TMEM267: variants seen among roughly 807,000 people sequenced by gnomAD.
The protein encoded by TMEM267 is transmembrane protein C5orf28.
Under a neutral mutation model 19.3 loss-of-function variants are expected in TMEM267, and 20 were observed. The observed-to-expected ratio is 1.04, with a 90% CI of 0.73 to 1.51. The LOEUF is 1.51. Among genes scored for constraint, TMEM267 ranks in the 40% most tolerant of loss-of-function variants. The pLI, the probability that TMEM267 is intolerant of heterozygous loss-of-function variation, is 0.00. For synonymous variants in TMEM267, 88 were observed against 90.3 expected (o/e 0.97, Z 0.15); for missense variants, 242 against 261.9 (o/e 0.92, Z 0.52).
rs554207613 is a variant in TMEM267 at position 43,467,941 on chromosome 5, G to A, written c.-74-13898C>T. Among the ~76,000 whole-genome samples the A allele has an allele frequency of 1.6e-4, 25 of 152,206 alleles. No individual in the cohort carries two copies. In the South Asian group the frequency reaches 5.0e-3, roughly 30 times the overall value. On this transcript the variant is annotated intron_variant, in intron 1 of 2. Coordinates refer to ENST00000397080, the MANE Select transcript of TMEM267 (RefSeq NM_022483.5). ...TACTTTGAGCTGTATCTGCCTTTCT[G>A]GATGGAACTGATGTACTTCTTATTG...
intron 1 of TMEM267, among the ~76,000 whole-genome samples, chr5:43,457,784 T>C (rs2112075227): frequency 6.6e-6 from 1 of 152,300 alleles, no homozygotes; most frequent in African/African-American, 2.4e-5. Flanking sequence ...TTTAAAAAAT[T>C]AAATAAATGA....
At chr5:43,469,592 G>A (rs1449375513) in intron 1 of TMEM267, among the ~76,000 whole-genome samples, 1 of 151,968 alleles carries the variant, frequency 6.6e-6, no homozygotes, top group Non-Finnish European at 1.5e-5. Flanking sequence ...AAAATAACTG[G>A]GTATGGAAGA....
At chr5:43,472,198 T>C (rs1042801564) in intron 1 of TMEM267, among the ~76,000 whole-genome samples, 1 of 152,202 alleles carries the variant, frequency 6.6e-6, no homozygotes, top group African/African-American at 2.4e-5. Flanking sequence ...AGGTGCTCAG[T>C]ATTTTTGATC....
chr5:43,473,070 G>A (rs569454289), intron 1 of TMEM267, among the ~76,000 whole-genome samples: 16 of 147,514 alleles, frequency 1.1e-4, no homozygotes, highest in African/African-American at 3.0e-4. Context: ...CCCAGGAGGC[G>A]GAGGTTGCAG....
intron 1 of TMEM267, among the ~76,000 whole-genome samples, chr5:43,469,037 CATAAT>C (rs1743914736): frequency 6.6e-6 from 1 of 152,008 alleles, no homozygotes; most frequent in Non-Finnish European, 1.5e-5. Flanking sequence ...ATAATGGAAA[CATAAT>C]ATATCAAAAC....
chr5:43,474,892 G>A (rs1046851023), intron 1 of TMEM267, among the ~76,000 whole-genome samples: 1 of 152,172 alleles, frequency 6.6e-6, no homozygotes, highest in African/African-American at 2.4e-5. Context: ...TGCTGGAGAG[G>A]ATGTGGAGAA....
intron 1 of TMEM267, among the ~76,000 whole-genome samples, chr5:43,472,790 G>A (rs1411709792): frequency 6.8e-6 from 1 of 147,388 alleles, no homozygotes; most frequent in African/African-American, 2.5e-5. Flanking sequence ...ATTACCAGAG[G>A]CTGTGAAGGG....
At chr5:43,474,559 A>G (rs1216095947) in intron 1 of TMEM267, among the ~76,000 whole-genome samples, 1 of 152,182 alleles carries the variant, frequency 6.6e-6, no homozygotes, top group Admixed American at 6.5e-5. Context: ...CGGGAGTTCG[A>G]GACCAGCCTG....
chr5:43,466,800 C>G (rs1036100622), intron 1 of TMEM267, among the ~76,000 whole-genome samples: 1 of 151,764 alleles, frequency 6.6e-6, no homozygotes, highest in African/African-American at 2.4e-5. Context: ...AAGCAAGAAA[C>G]TAAATCACAT....
intron 1 of TMEM267, among the ~76,000 whole-genome samples, chr5:43,464,775 C>A (rs1743531892): frequency 6.6e-6 from 1 of 152,162 alleles, no homozygotes; most frequent in Admixed American, 6.5e-5. Context: ...GAAACTGGAT[C>A]CCTTCCTTAC....
intron 1 of TMEM267, among the ~76,000 whole-genome samples, chr5:43,461,885 T>C (rs1322427011): frequency 6.6e-6 from 1 of 152,132 alleles, no homozygotes; most frequent in African/African-American, 2.4e-5. Context: ...AGGAAGGACA[T>C]AGGCCTGGCT....
intron 1 of TMEM267, 50 bp from the exon 2 acceptor site, chr5:43,454,093 A>G (rs778309464): frequency 6.7e-5 from 85 of 1,270,892 alleles, no homozygotes; most frequent in Non-Finnish European, 8.1e-5. Context: ...GGACTACCAT[A>G]TAATATTTAA....
chr5:43,458,892 C>A (rs1743099707), intron 1 of TMEM267, among the ~76,000 whole-genome samples: 1 of 151,432 alleles, frequency 6.6e-6, no homozygotes, highest in Non-Finnish European at 1.5e-5. Context: ...TAAATGAGAA[C>A]ATTTGCAAAT....
chr5:43,454,593 T>C (rs1014478916), intron 1 of TMEM267: 2 of 152,236 alleles, frequency 1.3e-5, no homozygotes, highest in African/African-American at 4.8e-5. Context: ...TGGGCTCCAC[T>C]ACACGAAATA....
At chr5:43,463,471 G>A (rs1374916698) in intron 1 of TMEM267, among the ~76,000 whole-genome samples, 1 of 152,078 alleles carries the variant, frequency 6.6e-6, no homozygotes, top group African/African-American at 2.4e-5. Flanking sequence ...CCAAAGCCTG[G>A]CAGAGACACA....
chr5:43,449,987 GT>G (rs1182289505), intron 2 of TMEM267, among the ~76,000 whole-genome samples: 18 of 142,956 alleles, frequency 1.3e-4, no homozygotes, highest in Non-Finnish European at 1.4e-4. Context: ...TCAATGTAGC[GT>G]TTTTTTTTTT....
chr5:43,482,858 G>C (rs1257354054), intron 1 of TMEM267, among the ~76,000 whole-genome samples: 1 of 152,044 alleles, frequency 6.6e-6, no homozygotes, highest in African/African-American at 2.4e-5. Context: ...TTAATTATAC[G>C]CTATCATGTA....
In TMEM267 at chr5:43,459,210, G is replaced by C. The variant is rs375095383; in HGVS notation, c.-74-5167C>G. Among the ~76,000 whole-genome samples, 37 of 152,210 alleles carry C rather than the reference G, an allele frequency of 2.4e-4. No individual in the cohort carries two copies. In the East Asian group the frequency reaches 6.9e-3, roughly 29 times the overall value. On this transcript the variant is annotated intron_variant, in intron 1 of 2. Transcript: ENST00000397080. ...ATTATACACCCATGTATGATTTTGGGGGGTAGGGGAAACTGAGCAGTAGAA... is the reference window on the plus strand; with the variant it reads ...ATTATACACCCATGTATGATTTTGGCGGGTAGGGGAAACTGAGCAGTAGAA...
At position 43,444,764 on chromosome 5, in the gene TMEM267, A is replaced by G. The variant is rs1742149455; in HGVS notation, c.*1458T>C. ...CTCTAATCAAATTTACCCCCACTAT[A>G]TAATATTTACCATTATACCAACCAA... is the stretch of plus-strand genomic sequence containing the variant. On this transcript the variant is annotated 3_prime_UTR_variant, in exon 3 of 3. Transcript: ENST00000397080. 1 of 152,132 alleles carries G rather than the reference A, an allele frequency of 6.6e-6. No homozygotes were observed. The highest frequency in any genetic ancestry group is 1.5e-5 in the Non-Finnish European group (1 of 68,030). 9.4% of individuals were successfully genotyped at this position (152,132 alleles called of 1,614,324 possible). A position where few individuals can be genotyped will look rare whatever the true frequency, so the allele number is the denominator to read the frequency against.
Sources: allele counts gnomAD v4.1 joint callset (sites outside exome capture counted in the v4.1 genomes callset), GRCh38; gene constraint gnomAD v4.1.1; transcripts MANE v1.5; gene names NCBI Gene and HGNC (gene_info 2026-07-23, HGNC 2026-07-21).